The following TNIP1 variants were observed in gnomAD, a reference collection of about 807,000 sequenced individuals.
TNIP1 encodes the protein TNFAIP3-interacting protein 1.
TNIP1 carries 22 observed loss-of-function variants against 86.6 expected under a neutral mutation model. The ratio of observed to expected loss-of-function variants is 0.25; its 90% confidence interval spans 0.18 to 0.36. The LOEUF is 0.36. Ranked by LOEUF, TNIP1 falls within the 10% of genes least tolerant of loss-of-function variation. The probability of loss-of-function intolerance (pLI) is 1.00; values close to 1 mark genes in which losing one functional copy is unlikely to be tolerated. For missense variants in TNIP1, 709 were observed against 820.6 expected (o/e 0.86, Z 1.66); for synonymous variants, 294 against 313.0 (o/e 0.94, Z 0.64).
At chr5:151,032,458 T>A (rs1400574017) in intron 16 of TNIP1, 75 bp from the exon 17 acceptor site, 12 of 1,398,004 alleles carry the variant, frequency 8.6e-6, no homozygotes, top group Non-Finnish European at 1.2e-5. Context: ...GCCAGGACAA[T>A]ACTAAATCTG....
intron 13 of TNIP1, 31 bp from the exon 14 acceptor site, chr5:151,035,738 G>C: frequency 6.2e-7 from 1 of 1,612,660 alleles, no homozygotes; most frequent in Non-Finnish European, 8.5e-7. Context: ...AGAGAGGGAG[G>C]GGGATGGTCC....
intron 11 of TNIP1, among the ~76,000 whole-genome samples, chr5:151,041,606 A>T (rs1425905827): frequency 1.3e-5 from 2 of 152,216 alleles, no homozygotes; most frequent in Admixed American, 1.3e-4. Flanking sequence ...GCCTCAAGCA[A>T]TCCTCCCACC....
At chr5:151,063,870 T>A in intron 2 of TNIP1, 123 bp from the exon 3 acceptor site, 1 of 1,263,436 alleles carries the variant, frequency 7.9e-7, no homozygotes, top group Non-Finnish European at 1.1e-6. Flanking sequence ...TGGACTTCAC[T>A]CCCACCGTTG....
At chr5:151,031,353 G>T (rs181746209) in intron 17 of TNIP1, among the ~76,000 whole-genome samples, 1 of 152,268 alleles carries the variant, frequency 6.6e-6, no homozygotes, top group Non-Finnish European at 1.5e-5. Context: ...GATGGACTTG[G>T]CCTCCCTGTC....
At chr5:151,065,410 C>T (rs964249367) in intron 1 of TNIP1, among the ~76,000 whole-genome samples, 2 of 151,656 alleles carry the variant, frequency 1.3e-5, no homozygotes, top group Non-Finnish European at 2.9e-5. Context: ...ATGTGGGATA[C>T]AAGAAAGAAC....
chr5:151,069,618 A>T (rs1248934079), intron 1 of TNIP1, among the ~76,000 whole-genome samples: 1 of 152,148 alleles, frequency 6.6e-6, no homozygotes, highest in Non-Finnish European at 1.5e-5. Flanking sequence ...AATCTCTGGT[A>T]CAGGGAGGTG....
chr5:151,070,831 AC>A (rs1762744670), intron 1 of TNIP1, among the ~76,000 whole-genome samples: 1 of 152,050 alleles, frequency 6.6e-6, no homozygotes, highest in African/African-American at 2.4e-5. Context: ...CAGTGAAACT[AC>A]TCTGTTCAAT....
chr5:151,033,856 T>C (rs924833995), intron 15 of TNIP1, 57 bp from the exon 16 acceptor site: 1 of 1,330,954 alleles, frequency 7.5e-7, no homozygotes, highest in African/African-American at 1.5e-5. Flanking sequence ...AGGACACCCA[T>C]CTCATCACCC....
intron 7 of TNIP1, 101 bp from the exon 8 acceptor site, chr5:151,050,048 C>T: frequency 6.4e-7 from 1 of 1,560,670 alleles, no homozygotes; most frequent in Non-Finnish European, 8.7e-7. Context: ...AGCTGAGCCC[C>T]AGGGAGTACT....
chr5:151,061,441 G>A (rs1761554129), intron 4 of TNIP1, among the ~76,000 whole-genome samples: 1 of 151,712 alleles, frequency 6.6e-6, no homozygotes, highest in Non-Finnish European at 1.5e-5. Flanking sequence ...GCAATCCCTT[G>A]TAGGATACCA....
intron 3 of TNIP1, 36 bp downstream of exon 3, chr5:151,063,577 C>T: frequency 1.2e-6 from 2 of 1,608,524 alleles, no homozygotes; most frequent in Non-Finnish European, 1.7e-6. Context: ...GTTTGGGGTA[C>T]AGGGAGAGTC....
At chr5:151,074,179 T>TG (rs1344467291) in intron 1 of TNIP1, among the ~76,000 whole-genome samples, 1 of 152,184 alleles carries the variant, frequency 6.6e-6, no homozygotes, top group East Asian at 1.9e-4. Flanking sequence ...GCTTGAGTTT[T>TG]GGGGGGTTTT....
At chr5:151,075,291 C>T (rs1034243217) in intron 1 of TNIP1, among the ~76,000 whole-genome samples, 5 of 152,200 alleles carry the variant, frequency 3.3e-5, no homozygotes, top group Admixed American at 1.3e-4. Flanking sequence ...GTGTTACCCT[C>T]GGTATCTGAG....
intron 5 of TNIP1, among the ~76,000 whole-genome samples, chr5:151,057,316 G>A (rs939532502): frequency 1.3e-5 from 2 of 152,094 alleles, no homozygotes; most frequent in Admixed American, 1.3e-4. Context: ...TTAGGAGGAT[G>A]AATTGACCCC....
intron 6 of TNIP1, among the ~76,000 whole-genome samples, chr5:151,055,678 C>CGGCA (rs1674660398): frequency 6.6e-6 from 1 of 152,200 alleles, no homozygotes; most frequent in Non-Finnish European, 1.5e-5. Context: ...TTCATGCCCT[C>CGGCA]GGCAACCAAG....
rs768411159 is a variant in TNIP1 at position 151,065,145 on chromosome 5, A to G, written c.-36-14T>C. ...GTGCCCGCCTGGCTGTAAGGACAAC[A>G]GCAGCATATCAGCAGGCTGGCCAGG... On this transcript the variant is annotated splice_polypyrimidine_tract_variant and intron_variant, in intron 1 of 17. Transcript: ENST00000521591. 6.3e-7 allele frequency: 1 copy of G among 1,595,502 alleles called. No individual in the cohort carries two copies. Among genetic ancestry groups the G allele is most frequent in the Non-Finnish European group, 8.5e-7 (1 of 1,170,788 alleles).
At chr5:151,050,079 C>G in intron 7 of TNIP1, 132 bp from the exon 8 acceptor site, 1 of 1,453,190 alleles carries the variant, frequency 6.9e-7, no homozygotes, top group Non-Finnish European at 9.2e-7. Context: ...GAAACCTGCC[C>G]TCCTGGAAAA....
chr5:151,043,040 G>A (rs1758654221), intron 9 of TNIP1, 79 bp from the exon 10 acceptor site: 1 of 1,437,934 alleles, frequency 7.0e-7, no homozygotes, highest in Admixed American at 1.7e-5. Flanking sequence ...ATGTACACCA[G>A]CGTCCCAAGG....
chr5:151,068,136 G>GA (rs970645326), intron 1 of TNIP1, among the ~76,000 whole-genome samples: 1 of 152,210 alleles, frequency 6.6e-6, no homozygotes, highest in Non-Finnish European at 1.5e-5. Context: ...AGACGCAGGA[G>GA]AAATATCCTA....
Sources: gnomAD v4.1 joint callset for allele counts (sites outside exome capture counted in the v4.1 genomes callset) on GRCh38, gnomAD v4.1.1 for gene constraint, MANE v1.5 for transcripts, NCBI Gene and HGNC (gene_info 2026-07-23, HGNC 2026-07-21) for gene names.